AVEN: variants seen among roughly 807,000 people sequenced by gnomAD.
AVEN encodes cell death regulator Aven.
In AVEN, 41 loss-of-function variants were observed where a neutral mutation model predicts 38.1. The ratio of observed to expected loss-of-function variants is 1.08; its 90% CI spans 0.84 to 1.40. The LOEUF (loss-of-function observed/expected upper bound fraction) is 1.40, where lower values mean the gene tolerates loss of function less well. AVEN is among the 40% of genes most tolerant of loss of function. The probability of loss-of-function intolerance (pLI) is 0.00; values close to 1 mark genes in which losing one functional copy is unlikely to be tolerated. For missense variants in AVEN, 605 were observed against 438.8 expected (o/e 1.38, Z -3.38); for synonymous variants, 206 against 171.8 (o/e 1.20, Z -1.56).
chr15:34,039,062 G>A lies in AVEN; in HGVS notation c.-16C>T. 1 of 1,092,720 alleles carries A rather than the reference G, an allele frequency of 9.2e-7. No homozygotes were observed. The highest frequency in any genetic ancestry group is 5.9e-5 in the East Asian group (1 of 16,882). The allele number at this position is 1,092,720 out of a possible 1,614,324, so 67.7% of individuals were successfully genotyped here. A position where few individuals can be genotyped will look rare whatever the true frequency, so the allele number is the denominator to read the frequency against. On this transcript the variant is annotated 5_prime_UTR_variant, in exon 1 of 6. Coordinates refer to ENST00000306730, the MANE Select transcript of AVEN (RefSeq NM_020371.3). ...CCGCCTGCATCTGGCCGCCGCTGGC[G>A]GTGCTGAGCGCGCGGGAGCCGAGCT... is the stretch of plus-strand genomic sequence containing the variant.
chr15:34,045,732 G>C (rs1030212447), intron 5 of AVEN, among the ~76,000 whole-genome samples: 41 of 7,864 alleles, frequency 5.2e-3, no homozygotes, highest in South Asian at 0.062. Context: ...GAAAACGAAG[G>C]CCTAACCTCA....
chr15:34,044,702 GTCCAGT>G (rs139583984), intron 5 of AVEN, among the ~76,000 whole-genome samples: 2,256 of 152,252 alleles, frequency 0.015, 64 homozygotes, highest in African/African-American at 0.051. Context: ...CGTTAAATGG[GTCCAGT>G]TTATGCCTTC....
At chr15:34,029,839 CAG>C (rs1898687456) in intron 1 of AVEN, among the ~76,000 whole-genome samples, 1 of 152,148 alleles carries the variant, frequency 6.6e-6, no homozygotes, top group Admixed American at 6.5e-5. Context: ...AAATATTGAA[CAG>C]AGACACTCTA....
At chr15:33,933,625 T>A (rs1373536327) in intron 2 of AVEN, among the ~76,000 whole-genome samples, 1 of 140,974 alleles carries the variant, frequency 7.1e-6, no homozygotes, top group African/African-American at 2.6e-5. Flanking sequence ...TTTTCTCTCA[T>A]ACCCACGCAC....
chr15:33,898,639 T>C (rs1005648532), intron 2 of AVEN, among the ~76,000 whole-genome samples: 1 of 152,218 alleles, frequency 6.6e-6, no homozygotes, highest in Non-Finnish European at 1.5e-5. Context: ...ACCCTCATCT[T>C]GTGTGACCTC....
chr15:33,930,657 G>A (rs1042398096), intron 2 of AVEN, among the ~76,000 whole-genome samples: 12 of 152,168 alleles, frequency 7.9e-5, no homozygotes, highest in Admixed American at 5.2e-4. Flanking sequence ...AAAGTAATCT[G>A]TTACAACTTA....
the AVEN span, chr15:33,852,949 A>G: frequency 9.4e-7 from 1 of 1,058,426 alleles, no homozygotes; most frequent in East Asian, 2.6e-5. Context: ...CAAACCAGAA[A>G]GATCCCAGAT....
intron 2 of AVEN, among the ~76,000 whole-genome samples, chr15:33,921,389 C>T (rs1893388228): frequency 6.6e-6 from 1 of 151,564 alleles, no homozygotes; most frequent in Admixed American, 6.6e-5. Context: ...GACAGTTTTT[C>T]AGAACAGGTG....
At chr15:33,884,213 GC>G (rs1891605885) in intron 2 of AVEN, among the ~76,000 whole-genome samples, 1 of 152,064 alleles carries the variant, frequency 6.6e-6, no homozygotes, top group Non-Finnish European at 1.5e-5. Context: ...TTTCTGCTAG[GC>G]CTCTTGGCTA....
intron 2 of AVEN, among the ~76,000 whole-genome samples, chr15:33,915,062 A>C (rs906118479): frequency 6.6e-6 from 1 of 152,170 alleles, no homozygotes; most frequent in African/African-American, 2.4e-5. Context: ...AATATACAGC[A>C]GTAGTTAAAA....
intron 2 of AVEN, among the ~76,000 whole-genome samples, chr15:33,970,149 T>C: frequency 6.6e-6 from 1 of 151,954 alleles, no homozygotes. Context: ...TGTGGTAATA[T>C]ACATAAAGTT....
At chr15:33,961,993 C>T (rs12592769) in intron 2 of AVEN, among the ~76,000 whole-genome samples, 26,464 of 151,788 alleles carry the variant, frequency 0.17, 2,582 homozygotes, top group South Asian at 0.33. Flanking sequence ...GGGGGCAGAG[C>T]ACAGCATATT....
chr15:34,045,730 A>C (rs1314973890), intron 5 of AVEN, among the ~76,000 whole-genome samples: 1 of 22,958 alleles, frequency 4.4e-5, no homozygotes, highest in Non-Finnish European at 1.1e-4. Context: ...CAGAAAACGA[A>C]GGCCTAACCT....
At position 33,914,160 on chromosome 15, in the gene AVEN, ACC is replaced by A. The variant is rs35840258; in HGVS notation, c.446-38167_446-38166del. Among the ~76,000 whole-genome samples, 21 of 150,972 alleles carry A rather than the reference ACC, an allele frequency of 1.4e-4. No individual in the cohort carries two copies. In the East Asian group the frequency reaches 3.3e-3, roughly 24 times the overall value. The stretch of plus-strand genomic sequence containing the variant: ...TAAGTTAATGTATAAATTTAATATA[ACC>A]CCCCCCCAATAGCTATGAGCTCTTT... On this transcript the variant is annotated intron_variant, in intron 2 of 5. Transcript: ENST00000306730.
At chr15:33,860,375 T>TAGTTA in intron 11 of AVEN, among the ~76,000 whole-genome samples, 1 of 152,192 alleles carries the variant, frequency 6.6e-6, no homozygotes, top group East Asian at 1.9e-4. Context: ...GAGGAGCAAG[T>TAGTTA]AGTTAACAGC....
At chr15:34,015,840 AATGAGAGGCATGAAAGAGTAATTACC>A (rs1897879586) in intron 1 of AVEN, among the ~76,000 whole-genome samples, 1 of 152,250 alleles carries the variant, frequency 6.6e-6, no homozygotes, top group Admixed American at 6.5e-5. Flanking sequence ...AAATGATAAA[AATGAGAGGCATGAAAGAGTAATTACC>A]ATTCGTTAGC....
intron 2 of AVEN, among the ~76,000 whole-genome samples, chr15:33,975,457 A>T (rs1027086540): frequency 6.6e-6 from 1 of 152,258 alleles, no homozygotes; most frequent in African/African-American, 2.4e-5. Context: ...CAAATAAATT[A>T]TAAGTTGATT....
intron 2 of AVEN, among the ~76,000 whole-genome samples, chr15:33,958,499 G>T (rs185513731): frequency 6.6e-6 from 1 of 151,234 alleles, no homozygotes. Flanking sequence ...GCTGAGGGAG[G>T]AGAATCACTT....
intron 1 of AVEN, among the ~76,000 whole-genome samples, chr15:34,010,533 T>C (rs1011024155): frequency 3.9e-5 from 6 of 152,096 alleles, no homozygotes; most frequent in Non-Finnish European, 8.8e-5. Context: ...AGCAAAAAGG[T>C]ATAGAAAAGG....
Sources: allele counts gnomAD v4.1 joint callset (sites outside exome capture counted in the v4.1 genomes callset), GRCh38; gene constraint gnomAD v4.1.1; transcripts MANE v1.5; gene names NCBI Gene and HGNC (gene_info 2026-07-23, HGNC 2026-07-21).